The following TMLHE variants were observed in gnomAD, a reference collection of about 807,000 sequenced individuals.
TMLHE encodes trimethyllysine hydroxylase, epsilon.
TMLHE carries 18 observed loss-of-function variants against 25.7 expected under a neutral mutation model. The observed-to-expected ratio is 0.70, with a 90% CI of 0.48 to 1.04. The LOEUF (loss-of-function observed/expected upper bound fraction) is 1.04, where lower values mean the gene tolerates loss of function less well. Among genes scored for constraint, TMLHE ranks in the 50% least tolerant of loss-of-function variants. The pLI, the probability that TMLHE is intolerant of heterozygous loss-of-function variation, is 0.00. For missense variants in TMLHE, 236 were observed against 259.0 expected, an observed-to-expected ratio of 0.91 and a Z score of 0.61; for synonymous variants, 105 against 97.0, an observed-to-expected ratio of 1.08 and a Z score of -0.49.
At chrX:155,506,838 C>A (rs1212531486) in intron 6 of TMLHE, 60 bp downstream of exon 6, 49 of 987,982 alleles carry the variant, frequency 5.0e-5, no homozygotes, top group Non-Finnish European at 5.7e-5. Flanking sequence ...ATTTTTGTTA[C>A]ATTAGAAGGC....
At chrX:155,595,422 C>T (rs184300849) in intron 1 of TMLHE, among the ~76,000 whole-genome samples, 423 of 111,919 alleles carry the variant, frequency 3.8e-3, no homozygotes, top group African/African-American at 0.013. Flanking sequence ...TGCCATAAAC[C>T]TTAAACATCA....
At chrX:155,547,508 C>G (rs782321123) in intron 1 of TMLHE, among the ~76,000 whole-genome samples, 4 of 111,192 alleles carry the variant, frequency 3.6e-5, no homozygotes, top group African/African-American at 6.5e-5. Context: ...AGCCACCATT[C>G]AAGATGTTCA....
chrX:155,599,211 C>T lies in TMLHE; in HGVS notation c.-2+13581G>A, dbSNP rs2067742238. On this transcript the variant is annotated intron_variant, in intron 1 of 7. Transcript: ENST00000334398. ...TGTGCAAGAGTCAGAAGCCCTAACC[C>T]CCACATTGTTCAAGTGTCAACTGTA... Among the ~76,000 whole-genome samples the T allele has an allele frequency of 3.6e-5, 4 of 111,436 alleles. No individual in the cohort carries two copies. In the South Asian group the frequency reaches 1.5e-3, roughly 42 times the overall value.
chrX:155,513,704 T>G (rs1321766971), intron 4 of TMLHE, among the ~76,000 whole-genome samples: 1 of 110,297 alleles, frequency 9.1e-6, no homozygotes, highest in African/African-American at 3.3e-5. Context: ...TTACAGTCAG[T>G]GTTTTTTTCC....
intron 2 of TMLHE, among the ~76,000 whole-genome samples, chrX:155,532,580 G>A (rs918383393): frequency 5.4e-5 from 6 of 110,841 alleles, no homozygotes; most frequent in African/African-American, 2.0e-4. Flanking sequence ...TGATACAACT[G>A]CTGATACTCT....
chrX:155,550,155 G>C lies in TMLHE; in HGVS notation c.-1-4878C>G, dbSNP rs868927749. Among the ~76,000 whole-genome samples the C allele has an allele frequency of 1.0e-4, 11 of 110,528 alleles. 1 individual carries two copies. Among genetic ancestry groups the C allele is most frequent in the African/African-American group, 2.7e-4 (8 of 29,824 alleles). ...GCATTTCGGTTGTTTCCAAGTCTTT[G>C]CTATTGTGAACAGTGCTGCAGTCAA... is the stretch of plus-strand genomic sequence containing the variant. On this transcript the variant is annotated intron_variant, in intron 1 of 7. Transcript: ENST00000334398.
intron 1 of TMLHE, among the ~76,000 whole-genome samples, chrX:155,598,558 G>A (rs898012962): frequency 1.3e-5 from 1 of 79,900 alleles, no homozygotes; most frequent in Non-Finnish European, 2.4e-5. Context: ...GTTGTGGGGT[G>A]GGGGGAGGGG....
chrX:155,538,659 C>A (rs1557337865), intron 2 of TMLHE, among the ~76,000 whole-genome samples: 1 of 111,680 alleles, frequency 9.0e-6, no homozygotes, highest in Non-Finnish European at 1.9e-5. Flanking sequence ...GCCCCATATC[C>A]AATCACTTAC....
At chrX:155,513,416 G>A (rs1351007376) in intron 4 of TMLHE, among the ~76,000 whole-genome samples, 1 of 111,045 alleles carries the variant, frequency 9.0e-6, no homozygotes, top group African/African-American at 3.3e-5. Context: ...AGTAAAACGG[G>A]GACAAAACAC....
At position 155,572,886 on chromosome X, in the gene TMLHE, T is replaced by G. The variant is rs1248758767; in HGVS notation, c.-1-27609A>C. Among the ~76,000 whole-genome samples, 48 of 56,924 alleles carry G rather than the reference T, an allele frequency of 8.4e-4. 9 individuals are homozygous for G. The highest frequency in any genetic ancestry group is 1.2e-3 in the Non-Finnish European group (27 of 21,761). The allele number at this position is 56,924 out of a possible 115,157, so 49.4% of individuals were successfully genotyped here. A position where few individuals can be genotyped will look rare whatever the true frequency, so the allele number is the denominator to read the frequency against. ...TAGACCTAAAACCATAAAAACCCTA[T>G]AAGAAAACCTAGGCATTACCATTCA... On this transcript the variant is annotated intron_variant, in intron 1 of 7. Coordinates refer to ENST00000334398, the MANE Select transcript of TMLHE (RefSeq NM_018196.4).
intron 1 of TMLHE, among the ~76,000 whole-genome samples, chrX:155,584,257 A>G (rs1357770606): frequency 9.1e-6 from 1 of 109,901 alleles, no homozygotes; most frequent in East Asian, 2.9e-4. Flanking sequence ...GGTCAAGCAG[A>G]AGAAAGAATT....
chrX:155,538,351 AC>A (rs2067291987), intron 2 of TMLHE, among the ~76,000 whole-genome samples: 1 of 111,993 alleles, frequency 8.9e-6, no homozygotes, highest in African/African-American at 3.2e-5. Context: ...TGTATACCTC[AC>A]TTTTTTCATC....
At chrX:155,595,097 G>C (rs1466563919) in intron 1 of TMLHE, among the ~76,000 whole-genome samples, 4 of 111,754 alleles carry the variant, frequency 3.6e-5, no homozygotes, top group Non-Finnish European at 3.8e-5. Context: ...GTTATAAAAA[G>C]TTAAAATTTG....
rs1380050563 is a variant in TMLHE at position 155,560,616 on chromosome X, GGCAGAGGGGATAGCCAAT to G, written c.-1-15357_-1-15340del. Among the ~76,000 whole-genome samples the G allele has an allele frequency of 7.8e-4, 43 of 55,007 alleles. 16 individuals are homozygous for G. The highest frequency in any genetic ancestry group is 2.2e-3 in the Non-Finnish European group (41 of 18,838). The allele number at this position is 55,007 out of a possible 115,157, so 47.8% of individuals were successfully genotyped here. ...AGGATATCTGGGGTAAAGTAGACTA[GGCAGAGGGGATAGCCAAT>G]GCAAAGGCTCTAAGTTGTGATTATA... On this transcript the variant is annotated intron_variant, in intron 1 of 7. Coordinates refer to ENST00000334398, the MANE Select transcript of TMLHE (RefSeq NM_018196.4).
At chrX:155,559,234 T>A (rs1469285715) in intron 1 of TMLHE, among the ~76,000 whole-genome samples, 7 of 111,653 alleles carry the variant, frequency 6.3e-5, no homozygotes, top group Non-Finnish European at 1.3e-4. Flanking sequence ...TTGTTCTTGT[T>A]GTCTTTACAA....
At chrX:155,605,308 T>C (rs2067780574) in intron 1 of TMLHE, among the ~76,000 whole-genome samples, 1 of 111,428 alleles carries the variant, frequency 9.0e-6, no homozygotes, top group South Asian at 3.7e-4. Context: ...ATTCAGGAAA[T>C]TCAGAGAACC....
rs1557331783 is a variant in TMLHE, at chrX:155,491,692, A to C, written c.1135-26T>G. 9.7e-7 allele frequency: 1 copy of C among 1,031,594 alleles called. No individual in the cohort carries two copies. The highest frequency in any genetic ancestry group is 1.3e-6 in the Non-Finnish European group (1 of 774,868). The allele number at this position is 1,031,594 out of a possible 1,213,427, so 85.0% of individuals were successfully genotyped here. A position where few individuals can be genotyped will look rare whatever the true frequency, so the allele number is the denominator to read the frequency against. ...CTGTGAATGGGCCAAAAAAAAAAAA[A>C]AAAGAGAGAGAAAACACTGTCAGAA... is the stretch of plus-strand genomic sequence containing the variant. On this transcript the variant is annotated intron_variant, in intron 7 of 7. Transcript: ENST00000334398.
chrX:155,545,363 T>A, intron 1 of TMLHE, 86 bp from the exon 2 acceptor site: 1 of 764,039 alleles, frequency 1.3e-6, no homozygotes, highest in Non-Finnish European at 1.8e-6. Flanking sequence ...TATAATTATG[T>A]AAAATGATAG....
chrX:155,574,701 T>C (rs781969475), intron 1 of TMLHE, among the ~76,000 whole-genome samples: 11 of 111,399 alleles, frequency 9.9e-5, no homozygotes, highest in Non-Finnish European at 1.9e-5. Context: ...CCATGTTTAA[T>C]GAATTAAAGG....
Sources: gnomAD v4.1 joint callset for allele counts (sites outside exome capture counted in the v4.1 genomes callset) on GRCh38, gnomAD v4.1.1 for gene constraint, MANE v1.5 for transcripts, NCBI Gene and HGNC (gene_info 2026-07-23, HGNC 2026-07-21) for gene names.